MTUS2: variants seen among roughly 807,000 people sequenced by gnomAD.
MTUS2 encodes the protein microtubule-associated tumor suppressor candidate 2.
MTUS2 carries 40 observed loss-of-function variants against 114.1 expected under a neutral mutation model. The observed-to-expected ratio is 0.35, with a 90% CI of 0.27 to 0.46. The LOEUF (loss-of-function observed/expected upper bound fraction) is 0.46, where lower values mean the gene tolerates loss of function less well. Among genes scored for constraint, MTUS2 ranks in the 20% least tolerant of loss-of-function variants. The pLI is 1.00. For missense variants in MTUS2, 1,679 were observed against 1,705.4 expected (o/e 0.98, Z 0.27); for synonymous variants, 688 against 672.0 (o/e 1.02, Z -0.37).
At chr13:28,939,918 G>T (rs536050773) in intron 2 of MTUS2, among the ~76,000 whole-genome samples, 1 of 152,148 alleles carries the variant, frequency 6.6e-6, no homozygotes, top group Non-Finnish European at 1.5e-5. Context: ...CATGTCTTAC[G>T]TGGCGGCAGG....
intron 5 of MTUS2, among the ~76,000 whole-genome samples, chr13:29,140,432 A>G (rs1892170706): frequency 6.6e-6 from 1 of 152,244 alleles, no homozygotes; most frequent in East Asian, 1.9e-4. Flanking sequence ...GCTTCTCTGC[A>G]GTCTCACGTC....
At chr13:29,316,129 A>AG (rs1001079803) in intron 6 of MTUS2, among the ~76,000 whole-genome samples, 1 of 152,192 alleles carries the variant, frequency 6.6e-6, no homozygotes, top group African/African-American at 2.4e-5. Context: ...GTGTTCAATT[A>AG]GCCAGCAAGA....
intron 9 of MTUS2, among the ~76,000 whole-genome samples, chr13:29,464,869 G>A (rs914041950): frequency 6.6e-6 from 1 of 152,180 alleles, no homozygotes; most frequent in Non-Finnish European, 1.5e-5. Flanking sequence ...AGAAACTCTG[G>A]GTATAAGGCT....
intron 8 of MTUS2, among the ~76,000 whole-genome samples, chr13:29,389,521 G>C (rs535903843): frequency 2.8e-5 from 1 of 35,312 alleles, no homozygotes; most frequent in African/African-American, 6.2e-5. Context: ...GTGTGTATGT[G>C]TATATATGTA....
chr13:29,345,035 C>G (rs1868527967), intron 7 of MTUS2, among the ~76,000 whole-genome samples: 1 of 152,182 alleles, frequency 6.6e-6, no homozygotes, highest in Non-Finnish European at 1.5e-5. Context: ...CGCTGTTAAT[C>G]TGATAGATGT....
intron 2 of MTUS2, among the ~76,000 whole-genome samples, chr13:28,908,092 A>T (rs181145570): frequency 6.6e-6 from 1 of 151,588 alleles, no homozygotes; most frequent in East Asian, 1.9e-4. Flanking sequence ...TTGATTCTCT[A>T]GATTTATGTC....
chr13:29,198,156 T>C (rs1248836849), intron 5 of MTUS2, among the ~76,000 whole-genome samples: 1 of 152,254 alleles, frequency 6.6e-6, no homozygotes, highest in African/African-American at 2.4e-5. Context: ...GCCTATGTCC[T>C]GAATGGTATT....
At chr13:29,017,429 T>C (rs1380165656) in intron 2 of MTUS2, among the ~76,000 whole-genome samples, 1 of 152,188 alleles carries the variant, frequency 6.6e-6, no homozygotes, top group Non-Finnish European at 1.5e-5. Flanking sequence ...GATAAAGCAT[T>C]ACACAGCAGA....
chr13:29,471,369 A>G (rs910628007), intron 9 of MTUS2, among the ~76,000 whole-genome samples: 1 of 152,126 alleles, frequency 6.6e-6, no homozygotes, highest in African/African-American at 2.4e-5. Context: ...AAATAAAATG[A>G]AATTTTGCTT....
chr13:29,204,101 A>T (rs1390741998), intron 5 of MTUS2, among the ~76,000 whole-genome samples: 1 of 152,058 alleles, frequency 6.6e-6, no homozygotes, highest in African/African-American at 2.4e-5. Context: ...CTGGGACTAC[A>T]GGTGCCCGCC....
At chr13:29,241,432 C>T (rs542759170) in intron 5 of MTUS2, among the ~76,000 whole-genome samples, 60 of 152,168 alleles carry the variant, frequency 3.9e-4, no homozygotes, top group African/African-American at 1.3e-3. Context: ...TTTGTTGGGA[C>T]GGGGTCTCAC....
chr13:29,080,641 T>C (rs1001819146), intron 4 of MTUS2, among the ~76,000 whole-genome samples: 1 of 152,238 alleles, frequency 6.6e-6, no homozygotes, highest in African/African-American at 2.4e-5. Context: ...CTGGCTGCAC[T>C]GGCAGCTGAT....
chr13:29,015,231 G>A (rs1886017348), intron 2 of MTUS2, among the ~76,000 whole-genome samples: 1 of 152,228 alleles, frequency 6.6e-6, no homozygotes, highest in African/African-American at 2.4e-5. Flanking sequence ...ATAACTGTGT[G>A]TAAATTATAC....
chr13:29,234,311 C>A (rs772395900), intron 5 of MTUS2, among the ~76,000 whole-genome samples: 1 of 152,004 alleles, frequency 6.6e-6, no homozygotes, highest in Non-Finnish European at 1.5e-5. Flanking sequence ...AGGATTCCAC[C>A]GAAGACTCCT....
intron 2 of MTUS2, among the ~76,000 whole-genome samples, chr13:28,996,620 G>A (rs1265021491): frequency 6.6e-6 from 1 of 152,148 alleles, no homozygotes; most frequent in East Asian, 1.9e-4. Flanking sequence ...TCCTGGTTTA[G>A]TCTTGGGAGG....
intron 5 of MTUS2, among the ~76,000 whole-genome samples, chr13:29,142,279 G>A (rs1250966516): frequency 1.3e-5 from 2 of 152,114 alleles, no homozygotes; most frequent in East Asian, 3.8e-4. Context: ...AACAATTTGA[G>A]GGGCCCACCT....
chr13:29,332,825 C>T (rs1483364778), intron 7 of MTUS2, among the ~76,000 whole-genome samples: 5 of 151,856 alleles, frequency 3.3e-5, no homozygotes, highest in East Asian at 1.9e-4. Context: ...TTAGTAGAGA[C>T]GGGGTTTCAC....
chr13:28,855,132 A>T (rs1876540229), intron 2 of MTUS2, among the ~76,000 whole-genome samples: 1 of 152,104 alleles, frequency 6.6e-6, no homozygotes, highest in South Asian at 2.1e-4. Flanking sequence ...CCAACAGATA[A>T]ATATACCAGT....
chr13:29,309,389 A>G (rs1899641970), intron 6 of MTUS2, among the ~76,000 whole-genome samples: 1 of 152,128 alleles, frequency 6.6e-6, no homozygotes, highest in Non-Finnish European at 1.5e-5. Flanking sequence ...ATGAGAACAC[A>G]TGGATACATG....
Sources: allele counts gnomAD v4.1 joint callset (sites outside exome capture counted in the v4.1 genomes callset), GRCh38; gene constraint gnomAD v4.1.1; transcripts MANE v1.5; gene names NCBI Gene and HGNC (gene_info 2026-07-23, HGNC 2026-07-21).